The following UGGT1 variants were observed in gnomAD, a reference collection of about 807,000 sequenced individuals.
The protein encoded by UGGT1 is UDP-glucose glycoprotein glucosyltransferase 1.
Under a neutral mutation model 203.9 loss-of-function variants are expected in UGGT1, and 107 were observed. The observed-to-expected ratio is 0.52, with a 90% CI of 0.45 to 0.62. The LOEUF is 0.62. Among genes scored for constraint, UGGT1 ranks in the 20% least tolerant of loss-of-function variants. The pLI, the probability that UGGT1 is intolerant of heterozygous loss-of-function variation, is 0.00. For missense variants in UGGT1, 1,673 were observed against 1,867.2 expected, an observed-to-expected ratio of 0.90 and a Z score of 1.92; for synonymous variants, 628 against 653.5, an observed-to-expected ratio of 0.96 and a Z score of 0.59.
chr2:128,114,250 T>G (rs1687995852), intron 6 of UGGT1, among the ~76,000 whole-genome samples: 2 of 152,076 alleles, frequency 1.3e-5, no homozygotes, highest in African/African-American at 4.8e-5. Flanking sequence ...CCCGAGTAGC[T>G]GGGATTACAG....
chr2:128,180,092 TTTG>T (rs894959794), intron 35 of UGGT1, among the ~76,000 whole-genome samples: 3 of 152,194 alleles, frequency 2.0e-5, no homozygotes, highest in Admixed American at 1.3e-4. Flanking sequence ...AGGAGAGTCT[TTTG>T]TTGTTGTTAT....
intron 40 of UGGT1, among the ~76,000 whole-genome samples, chr2:128,189,218 C>G (rs139508248): frequency 6.6e-6 from 1 of 152,040 alleles, no homozygotes; most frequent in Non-Finnish European, 1.5e-5. Context: ...ATTAGAAGCC[C>G]GTAAGGCGTT....
intron 26 of UGGT1, among the ~76,000 whole-genome samples, chr2:128,165,074 T>C (rs1467049865): frequency 1.3e-5 from 2 of 152,198 alleles, no homozygotes; most frequent in African/African-American, 4.8e-5. Flanking sequence ...AGTGCACCCT[T>C]GTAGTAGAAA....
rs10195658 is a variant in UGGT1 at position 128,174,537 on chromosome 2, T to G, written c.3454-236T>G. Among the ~76,000 whole-genome samples, 65,031 of 151,858 alleles carry G rather than the reference T, an allele frequency of 0.43. 14,123 individuals carry two copies. The highest frequency in any genetic ancestry group is 0.57 in the South Asian group (2,760 of 4,814). On this transcript the variant is annotated intron_variant, in intron 30 of 40. Transcript: ENST00000259253. ...GCTGGTCTCGAACTCCTCACCTCAG[T>G]TGATCCACCTGCCGTGGTCTCCCGA...
At chr2:128,174,384 C>A (rs941601982) in intron 30 of UGGT1, among the ~76,000 whole-genome samples, 1 of 151,304 alleles carries the variant, frequency 6.6e-6, no homozygotes, top group South Asian at 2.1e-4. Context: ...CTGCAACCTC[C>A]GCCTCCCAGG....
rs1395058111 is a variant in UGGT1, at chr2:128,192,265, A to AGT, written c.*2524_*2525dup. 1 of 136,684 alleles carries AGT rather than the reference A, an allele frequency of 7.3e-6. No individual in the cohort carries two copies. The highest frequency in any genetic ancestry group is 1.5e-5 in the Non-Finnish European group (1 of 64,864). 8.5% of individuals were successfully genotyped at this position (136,684 alleles called of 1,614,324 possible). On this transcript the variant is annotated 3_prime_UTR_variant, in exon 41 of 41. Transcript: ENST00000259253. ...GGCCTAGGACCCTCCTCCTCCTGCC[A>AGT]GTTTTTTTTTTTTTTTTTGGTTCAT...
intron 12 of UGGT1, 69 bp from the exon 13 acceptor site, chr2:128,128,960 T>C: frequency 6.9e-7 from 1 of 1,453,596 alleles, no homozygotes; most frequent in East Asian, 2.5e-5. Flanking sequence ...ATACATTTTT[T>C]TTCATGGTGA....
At chr2:128,146,937 C>T (rs1273739664) in intron 18 of UGGT1, among the ~76,000 whole-genome samples, 1 of 152,196 alleles carries the variant, frequency 6.6e-6, no homozygotes, top group Non-Finnish European at 1.5e-5. Flanking sequence ...CTAGTGTTAC[C>T]AGCCCCCAAC....
intron 26 of UGGT1, among the ~76,000 whole-genome samples, chr2:128,167,612 A>G (rs920239222): frequency 6.6e-6 from 1 of 152,210 alleles, no homozygotes; most frequent in Non-Finnish European, 1.5e-5. Flanking sequence ...TAAGCACAGT[A>G]TTCGTTGACA....
chr2:128,192,658 C>G lies in UGGT1; in HGVS notation c.*2916C>G, dbSNP rs1692323021. 1 of 152,184 alleles carries G rather than the reference C, an allele frequency of 6.6e-6. No individual in the cohort carries two copies. Among genetic ancestry groups the G allele is most frequent in the Admixed American group, 6.5e-5 (1 of 15,276 alleles). 9.4% of individuals were successfully genotyped at this position (152,184 alleles called of 1,614,324 possible). A position where few individuals can be genotyped will look rare whatever the true frequency, so the allele number is the denominator to read the frequency against. On this transcript the variant is annotated 3_prime_UTR_variant, in exon 41 of 41. Coordinates refer to ENST00000259253, the MANE Select transcript of UGGT1 (RefSeq NM_020120.4). ...TGATTGAGATCAAAGCCTGTCACAG[C>G]CTGCTGCTGGGGGTGTGGGGATATG...
At chr2:128,187,937 T>G (rs542702463) in intron 40 of UGGT1, among the ~76,000 whole-genome samples, 78 of 152,000 alleles carry the variant, frequency 5.1e-4, no homozygotes, top group African/African-American at 1.8e-3. Flanking sequence ...TCTTCTTAGA[T>G]TCCTTGTTTT....
intron 3 of UGGT1, among the ~76,000 whole-genome samples, chr2:128,105,249 TTTTTG>T (rs1025789285): frequency 1.1e-4 from 17 of 151,324 alleles, no homozygotes; most frequent in East Asian, 1.9e-4. Flanking sequence ...TGTCTGAATC[TTTTTG>T]TTTTATTTTT....
intron 17 of UGGT1, 50 bp from the exon 18 acceptor site, chr2:128,145,753 G>A: frequency 6.8e-7 from 1 of 1,467,728 alleles, no homozygotes; most frequent in Non-Finnish European, 9.1e-7. Context: ...TGTTCCATTT[G>A]TCTCACAAAA....
At position 128,127,003 on chromosome 2, in the gene UGGT1, G is replaced by A. The variant is rs984181937; in HGVS notation, c.1135-358G>A. 9.2e-5 allele frequency among the ~76,000 whole-genome samples: 14 copies of A among 152,016 alleles called. 1 individual carries two copies. The highest frequency in any genetic ancestry group is 4.2e-4 in the South Asian group (2 of 4,806). The stretch of plus-strand genomic sequence containing the variant: ...TGGCCTGGATCAGCCTTTTTTTATC[G>A]TCTGATGGTGCTGTGCACTCAGCCA... On this transcript the variant is annotated intron_variant, in intron 11 of 40. Transcript: ENST00000259253.
chr2:128,191,476 G>A lies in UGGT1; in HGVS notation c.*1734G>A, dbSNP rs1692263786. ...AGAGACTGAAAAGGCACCTCAGAAT[G>A]GCTGCTGTGGGCAGAGTCTGTGACA... On this transcript the variant is annotated 3_prime_UTR_variant, in exon 41 of 41. Transcript: ENST00000259253. The A allele has an allele frequency of 6.6e-6, 1 of 150,586 alleles. No individual in the cohort carries two copies. 9.3% of individuals were successfully genotyped at this position (150,586 alleles called of 1,614,324 possible). A position where few individuals can be genotyped will look rare whatever the true frequency, so the allele number is the denominator to read the frequency against.
At chr2:128,137,278 G>A (rs1558783329) in intron 15 of UGGT1, among the ~76,000 whole-genome samples, 1 of 152,186 alleles carries the variant, frequency 6.6e-6, no homozygotes. Context: ...GAGTAGCCAG[G>A]CGTGGTGGCA....
At chr2:128,126,650 A>G (rs371438716) in intron 11 of UGGT1, among the ~76,000 whole-genome samples, 2 of 151,684 alleles carry the variant, frequency 1.3e-5, no homozygotes, top group African/African-American at 4.8e-5. Context: ...CCAGACCTAG[A>G]AATAGATATG....
intron 8 of UGGT1, among the ~76,000 whole-genome samples, chr2:128,120,107 T>G (rs1022897978): frequency 6.6e-6 from 1 of 152,080 alleles, no homozygotes; most frequent in Admixed American, 6.6e-5. Flanking sequence ...CCACTCTCAG[T>G]CTCCTTATCT....
Position 128,095,571 on chromosome 2 carries a change from A to G in UGGT1, c.59-1858A>G, listed in dbSNP as rs76655388. 4.2e-3 allele frequency among the ~76,000 whole-genome samples: 631 copies of G among 151,536 alleles called. 6 individuals are homozygous for G. Among genetic ancestry groups the G allele is most frequent in the African/African-American group, 0.013 (554 of 41,232 alleles). On this transcript the variant is annotated intron_variant, in intron 1 of 40. Transcript: ENST00000259253. ...TCCCGCTCTGTTGCCCAGATGCAGC[A>G]TGGACCTCCTAGGCCCAAGCTATCT...
Sources: gnomAD v4.1 joint callset for allele counts (sites outside exome capture counted in the v4.1 genomes callset) on GRCh38, gnomAD v4.1.1 for gene constraint, MANE v1.5 for transcripts, NCBI Gene and HGNC (gene_info 2026-07-23, HGNC 2026-07-21) for gene names.